Variants in TMEM268 observed in about 807,000 individuals in gnomAD.
TMEM268 encodes the protein transmembrane protein C9orf91.
In TMEM268, 24 loss-of-function variants were observed where a neutral mutation model predicts 39.1. That is an observed-to-expected ratio of 0.61 (90% CI 0.44 to 0.86). The LOEUF (loss-of-function observed/expected upper bound fraction) is 0.86, where lower values mean the gene tolerates loss of function less well. TMEM268 is among the 40% of genes least tolerant of loss of function. TMEM268 has a pLI of 0.00. For missense variants in TMEM268, 409 were observed against 428.6 expected (o/e 0.95, Z 0.40); for synonymous variants, 176 against 173.5 (o/e 1.01, Z -0.12).
At chr9:114,611,966 C>T (rs10982329) in intron 1 of TMEM268, among the ~76,000 whole-genome samples, 6 of 152,228 alleles carry the variant, frequency 3.9e-5, no homozygotes, top group Admixed American at 2.0e-4. Flanking sequence ...GGTTTCAATT[C>T]TGGCCCAGTC....
intron 6 of TMEM268, among the ~76,000 whole-genome samples, chr9:114,636,740 A>T (rs1589358163): frequency 6.6e-6 from 1 of 152,140 alleles, no homozygotes; most frequent in African/African-American, 2.4e-5. Context: ...GCCTCAAGTG[A>T]TCTGCCTGCC....
upstream of TMEM268, among the ~76,000 whole-genome samples, chr9:114,609,834 GAGAA>G (rs200700438): frequency 2.7e-3 from 315 of 117,898 alleles, 3 homozygotes; most frequent in South Asian, 9.1e-3. Context: ...GAAAGAAAGA[GAGAA>G]AGAAAGAAAG....
upstream of TMEM268, among the ~76,000 whole-genome samples, chr9:114,607,084 C>A (rs1262129398): frequency 2.0e-5 from 3 of 152,162 alleles, no homozygotes; most frequent in Admixed American, 2.0e-4. Flanking sequence ...ACAGACACAA[C>A]AGGACAGATG....
intron 8 of TMEM268, among the ~76,000 whole-genome samples, chr9:114,641,023 C>A (rs1827307278): frequency 6.6e-6 from 1 of 152,090 alleles, no homozygotes; most frequent in Non-Finnish European, 1.5e-5. Flanking sequence ...TTACAGGCGT[C>A]TGCCATGATG....
chr9:114,608,078 C>T (rs1446672699), upstream of TMEM268, among the ~76,000 whole-genome samples: 5 of 152,140 alleles, frequency 3.3e-5, no homozygotes, highest in Non-Finnish European at 7.3e-5. Context: ...TTCCAGCACA[C>T]CTGACTGGAT....
intron 2 of TMEM268, among the ~76,000 whole-genome samples, chr9:114,618,188 T>C (rs1441853728): frequency 6.6e-6 from 1 of 152,090 alleles, no homozygotes; most frequent in African/African-American, 2.4e-5. Context: ...CAGATATCTT[T>C]TTAAAATACA....
intron 5 of TMEM268, 116 bp downstream of exon 5, chr9:114,628,366 C>A: frequency 8.5e-7 from 1 of 1,172,586 alleles, no homozygotes; most frequent in Non-Finnish European, 1.2e-6. Flanking sequence ...AAAATTCACA[C>A]TAGCCCGTAA....
Position 114,643,948 on chromosome 9 carries a change from A to C in TMEM268, c.*635A>C, listed in dbSNP as rs1285117637. ...GGCTGCAGAAGACAGAGACAGAAGA[A>C]AGAGATCAAGGGCAGATAACTGTTG... On this transcript the variant is annotated 3_prime_UTR_variant, in exon 9 of 9. Transcript: ENST00000288502. 6.6e-6 allele frequency: 1 copy of C among 152,264 alleles called. No homozygotes were observed. Among genetic ancestry groups the C allele is most frequent in the Non-Finnish European group, 1.5e-5 (1 of 68,074 alleles). The allele number at this position is 152,264 out of a possible 1,614,324, so 9.4% of individuals were successfully genotyped here. A position where few individuals can be genotyped will look rare whatever the true frequency, so the allele number is the denominator to read the frequency against.
At chr9:114,627,066 T>A (rs1233859958) in intron 4 of TMEM268, 60 bp downstream of exon 4, 2 of 1,240,278 alleles carry the variant, frequency 1.6e-6, no homozygotes, top group Non-Finnish European at 2.4e-6. Flanking sequence ...ACCACCAAAT[T>A]CAGCACCGTG....
chr9:114,632,892 G>A (rs750720737), intron 5 of TMEM268, among the ~76,000 whole-genome samples: 24 of 152,186 alleles, frequency 1.6e-4, no homozygotes, highest in Non-Finnish European at 2.8e-4. Flanking sequence ...GACATACCTT[G>A]TCCAGGGCCA....
intron 8 of TMEM268, 38 bp downstream of exon 8, chr9:114,638,764 C>T (rs376004444): frequency 7.3e-5 from 108 of 1,473,922 alleles, no homozygotes; most frequent in South Asian, 7.2e-4. Flanking sequence ...CATCTTCCCT[C>T]GGGGGAATTT....
intron 1 of TMEM268, among the ~76,000 whole-genome samples, chr9:114,612,116 C>G (rs80193061): frequency 8.0e-4 from 122 of 152,284 alleles, no homozygotes; most frequent in Middle Eastern, 3.4e-3. Flanking sequence ...CTCTTAGGGT[C>G]TCGTGTTGTG....
chr9:114,612,717 T>G (rs532517321), intron 1 of TMEM268, among the ~76,000 whole-genome samples: 1 of 152,244 alleles, frequency 6.6e-6, no homozygotes, highest in East Asian at 1.9e-4. Flanking sequence ...GCCTCCTTCC[T>G]CCAGGAAGCC....
chr9:114,629,818 G>A (rs1440852354), intron 5 of TMEM268, among the ~76,000 whole-genome samples: 1 of 152,160 alleles, frequency 6.6e-6, no homozygotes, highest in African/African-American at 2.4e-5. Context: ...GTGTGTTCAC[G>A]AGACAAACGG....
At chr9:114,623,190 G>C (rs368736017) in intron 2 of TMEM268, among the ~76,000 whole-genome samples, 1 of 152,160 alleles carries the variant, frequency 6.6e-6, no homozygotes, top group South Asian at 2.1e-4. Context: ...CATTCTTGTT[G>C]CCCAGGCTGG....
At chr9:114,630,924 G>A (rs1424373133) in intron 5 of TMEM268, among the ~76,000 whole-genome samples, 1 of 79,624 alleles carries the variant, frequency 1.3e-5, no homozygotes, top group Non-Finnish European at 3.0e-5. Context: ...CTTACTGTTA[G>A]CATCCTCTCT....
chr9:114,620,936 C>A (rs1292964924), intron 2 of TMEM268, among the ~76,000 whole-genome samples: 1 of 146,646 alleles, frequency 6.8e-6, no homozygotes, highest in Admixed American at 6.9e-5. Context: ...CAAAAAAAAA[C>A]AGGAGAGAGA....
At chr9:114,617,653 C>G (rs1845784486) in intron 2 of TMEM268, among the ~76,000 whole-genome samples, 1 of 152,158 alleles carries the variant, frequency 6.6e-6, no homozygotes, top group South Asian at 2.1e-4. Flanking sequence ...TCACTGGAGC[C>G]TGGAACTCCT....
upstream of TMEM268, among the ~76,000 whole-genome samples, chr9:114,609,979 A>G (rs1473069515): frequency 2.0e-5 from 3 of 152,192 alleles, no homozygotes; most frequent in Non-Finnish European, 4.4e-5. Context: ...ACTAAGAAAG[A>G]AGGGTTAAGA....
Sources: gnomAD v4.1 joint callset for allele counts (sites outside exome capture counted in the v4.1 genomes callset) on GRCh38, gnomAD v4.1.1 for gene constraint, MANE v1.5 for transcripts, NCBI Gene and HGNC (gene_info 2026-07-23, HGNC 2026-07-21) for gene names.